Variants in SIMC1 observed in about 807,000 individuals in gnomAD.
The protein encoded by SIMC1 is SUMO-interacting motif-containing protein 1.
A neutral mutation model predicts 82.3 loss-of-function variants in SIMC1; 55 were observed. The observed-to-expected ratio is 0.67, with a 90% CI of 0.54 to 0.84. The LOEUF (loss-of-function observed/expected upper bound fraction) is 0.84, where lower values mean the gene tolerates loss of function less well. Ranked by LOEUF, SIMC1 falls within the 40% of genes least tolerant of loss-of-function variation. The probability of loss-of-function intolerance (pLI) is 0.00; values close to 1 mark genes in which losing one functional copy is unlikely to be tolerated. For synonymous variants in SIMC1, 353 were observed against 426.3 expected (o/e 0.83, Z 2.12); for missense variants, 915 against 1,107.2 (o/e 0.83, Z 2.46).
At chr5:176,321,973 A>T (rs1581311783) in intron 5 of SIMC1, among the ~76,000 whole-genome samples, 1 of 121,354 alleles carries the variant, frequency 8.2e-6, no homozygotes, top group Non-Finnish European at 1.6e-5. Flanking sequence ...AGATCCTCCC[A>T]CCTCAGCCTC....
chr5:176,251,452 G>C (rs1761648582), intron 1 of SIMC1, among the ~76,000 whole-genome samples: 2 of 152,160 alleles, frequency 1.3e-5, no homozygotes, highest in South Asian at 4.1e-4. Context: ...TCCTTCAGGA[G>C]CTCTTGTAAG....
intron 1 of SIMC1, among the ~76,000 whole-genome samples, chr5:176,276,467 T>C (rs1762703507): frequency 6.6e-6 from 1 of 151,278 alleles, no homozygotes; most frequent in African/African-American, 2.4e-5. Flanking sequence ...TTTATTATAC[T>C]TTAAGTTTTA....
At position 176,252,169 on chromosome 5, in the gene SIMC1, C is replaced by T. The variant is rs1450050062; in HGVS notation, c.129+13532C>T. Among the ~76,000 whole-genome samples the T allele has an allele frequency of 7.9e-4, 119 of 150,856 alleles. No homozygotes were observed. In the South Asian group the frequency reaches 0.014, roughly 18 times the overall value. Reference sequence around the variant, plus strand: ...CCCAGTAGGGACGGCCGGGCAGAGGCGCCCCTCACCTCCCGGACGGGGCGG... The same window carrying T: ...CCCAGTAGGGACGGCCGGGCAGAGGTGCCCCTCACCTCCCGGACGGGGCGG... On this transcript the variant is annotated intron_variant, in intron 1 of 9. Coordinates refer to ENST00000429602, the MANE Select transcript of SIMC1 (RefSeq NM_001308195.2).
At chr5:176,270,670 G>A (rs1162626261) in intron 1 of SIMC1, 1 of 152,304 alleles carries the variant, frequency 6.6e-6, no homozygotes, top group African/African-American at 2.4e-5. Context: ...GCTTGGGGAA[G>A]GGAAAGCGAA....
chr5:176,285,099 T>C (rs1763207077), intron 1 of SIMC1, among the ~76,000 whole-genome samples: 1 of 152,112 alleles, frequency 6.6e-6, no homozygotes, highest in Non-Finnish European at 1.5e-5. Flanking sequence ...ACTATTCCAA[T>C]TGATAGAAAA....
chr5:176,245,373 T>C (rs10476184), intron 1 of SIMC1, among the ~76,000 whole-genome samples: 83,359 of 146,978 alleles, frequency 0.57, 22,652 homozygotes, highest in Middle Eastern at 0.62. Flanking sequence ...AAACAGATTC[T>C]TCCCTGGAGC....
intron 1 of SIMC1, among the ~76,000 whole-genome samples, chr5:176,287,075 T>A (rs192837191): frequency 1.4e-3 from 211 of 152,316 alleles, no homozygotes; most frequent in African/African-American, 4.7e-3. Flanking sequence ...GTGTGGCGAT[T>A]CCTCAAGGAT....
chr5:176,268,739 G>A (rs2560178), intron 1 of SIMC1, among the ~76,000 whole-genome samples: 10 of 152,108 alleles, frequency 6.6e-5, no homozygotes, highest in South Asian at 4.2e-4. Flanking sequence ...GACACTTTTC[G>A]CTCTGTAGTT....
chr5:176,297,336 A>G (rs1403927208), intron 4 of SIMC1, among the ~76,000 whole-genome samples: 2 of 151,984 alleles, frequency 1.3e-5, no homozygotes, highest in African/African-American at 4.8e-5. Context: ...CCCTGTCTCT[A>G]CTAAAAAATA....
At chr5:176,306,675 G>T (rs899526164) in intron 4 of SIMC1, among the ~76,000 whole-genome samples, 1 of 151,632 alleles carries the variant, frequency 6.6e-6, no homozygotes, top group East Asian at 1.9e-4. Flanking sequence ...GATTAAGGGC[G>T]GTGCAAGATG....
chr5:176,242,876 CAGAT>C (rs1291204622), intron 1 of SIMC1, among the ~76,000 whole-genome samples: 3 of 151,916 alleles, frequency 2.0e-5, no homozygotes, highest in Non-Finnish European at 4.4e-5. Flanking sequence ...TGAGGGGACA[CAGAT>C]AGTAAACAAC....
intron 1 of SIMC1, among the ~76,000 whole-genome samples, chr5:176,272,735 C>G (rs972669376): frequency 5.9e-5 from 9 of 152,208 alleles, no homozygotes; most frequent in Non-Finnish European, 1.3e-4. Flanking sequence ...TCACTCCACC[C>G]TAATACTGTG....
chr5:176,276,623 G>C (rs1477482739), intron 1 of SIMC1, among the ~76,000 whole-genome samples: 1 of 120,474 alleles, frequency 8.3e-6, no homozygotes, highest in East Asian at 2.4e-4. Context: ...ACAGTCCCCA[G>C]AGCGTGATAT....
At chr5:176,248,385 T>G (rs1761522490) in intron 1 of SIMC1, among the ~76,000 whole-genome samples, 1 of 152,110 alleles carries the variant, frequency 6.6e-6, no homozygotes, top group Non-Finnish European at 1.5e-5. Flanking sequence ...AATGGGAGCT[T>G]GCTCATGATT....
intron 4 of SIMC1, among the ~76,000 whole-genome samples, chr5:176,310,830 T>C (rs1246380242): frequency 6.6e-6 from 1 of 152,124 alleles, no homozygotes; most frequent in Non-Finnish European, 1.5e-5. Flanking sequence ...AATGAATGCA[T>C]GTAAAATCTG....
chr5:176,314,447 G>A (rs1764811918), intron 5 of SIMC1, among the ~76,000 whole-genome samples: 1 of 151,990 alleles, frequency 6.6e-6, no homozygotes, highest in South Asian at 2.1e-4. Flanking sequence ...GAAATCTAGG[G>A]GAAAGCCTTA....
chr5:176,243,003 TTTTA>T (rs1761321438), intron 1 of SIMC1, among the ~76,000 whole-genome samples: 1 of 152,112 alleles, frequency 6.6e-6, no homozygotes, highest in Non-Finnish European at 1.5e-5. Context: ...TGTCATTATT[TTTTA>T]TTTTTTTATT....
Position 176,345,903 on chromosome 5 carries a change from A to G in SIMC1, c.*458A>G, listed in dbSNP as rs3420. 17,787 of 152,272 alleles carry G rather than the reference A, an allele frequency of 0.12. 1,100 individuals carry two copies. The highest frequency in any genetic ancestry group is 0.15 in the Admixed American group (2,327 of 15,284). 9.4% of individuals were successfully genotyped at this position (152,272 alleles called of 1,614,324 possible). A position where few individuals can be genotyped will look rare whatever the true frequency, so the allele number is the denominator to read the frequency against. On this transcript the variant is annotated 3_prime_UTR_variant, in exon 10 of 10. Transcript: ENST00000429602. ...ATTGCCTGTTAATTTGACTGTAATG[A>G]ATAGGGGGTAGAAACAAAAGGATCA...
At position 176,345,928 on chromosome 5, in the gene SIMC1, A is replaced by T. The variant is rs1766458118; in HGVS notation, c.*483A>T. 2 of 152,242 alleles carry T rather than the reference A, an allele frequency of 1.3e-5. No individual in the cohort carries two copies. The highest frequency in any genetic ancestry group is 2.9e-5 in the Non-Finnish European group (2 of 68,050). The allele number at this position is 152,242 out of a possible 1,614,324, so 9.4% of individuals were successfully genotyped here. A position where few individuals can be genotyped will look rare whatever the true frequency, so the allele number is the denominator to read the frequency against. ...AATAGGGGGTAGAAACAAAAGGATC[A>T]AGTGTGTTATAAAACATTTGATGTT... is the stretch of plus-strand genomic sequence containing the variant. On this transcript the variant is annotated 3_prime_UTR_variant, in exon 10 of 10. Transcript: ENST00000429602.
Sources: allele counts gnomAD v4.1 joint callset (sites outside exome capture counted in the v4.1 genomes callset), GRCh38; gene constraint gnomAD v4.1.1; transcripts MANE v1.5; gene names NCBI Gene and HGNC (gene_info 2026-07-23, HGNC 2026-07-21).